The following UBR4 variants were observed in gnomAD, a reference collection of about 807,000 sequenced individuals.
UBR4 encodes the protein E3 ubiquitin-protein ligase UBR4.
Under a neutral mutation model 575.6 loss-of-function variants are expected in UBR4, and 124 were observed. That is an observed-to-expected ratio of 0.22 (90% CI 0.19 to 0.25). The LOEUF is 0.25. UBR4 is among the 10% of genes least tolerant of loss of function. The pLI is 1.00. For synonymous variants in UBR4, 2,455 were observed against 2,473.7 expected (o/e 0.99, Z 0.22); for missense variants, 4,818 against 6,478.8 (o/e 0.74, Z 8.80).
Position 19,122,925 on chromosome 1 carries a change from T to G in UBR4, c.9724A>C (p.Lys3242Gln), listed in dbSNP as rs2081331519. 1 of 1,614,104 alleles carries G rather than the reference T, an allele frequency of 6.2e-7. No homozygotes were observed. Among genetic ancestry groups the G allele is most frequent in the East Asian group, 2.2e-5 (1 of 44,892 alleles). Residue 3242 changes from lysine to glutamine, a missense_variant, in exon 66 of 106, where the codon AAG becomes CAG. Physicochemically the swap from Lys to Gln is moderately conservative, Grantham distance 53. Coordinates refer to ENST00000375254, the MANE Select transcript of UBR4 (RefSeq NM_020765.3). ...TLDSHVRGIK[K>Q]LLEEQGIFLR... ...AATATCCCCTGCTCTTCTAGCAGCT[T>G]CTTGATCCCACGCACGTGAGAGTCC...
At chr1:19,149,926 G>C in intron 49 of UBR4, 78 of 463,480 alleles carry the variant, frequency 1.7e-4, no homozygotes, top group Non-Finnish European at 2.5e-4. Context: ...AAGGGAGGGA[G>C]GAGGCTGGTG....
chr1:19,167,354 A>G (rs1177364619), intron 28 of UBR4, 123 bp from the exon 29 acceptor site: 4 of 914,838 alleles, frequency 4.4e-6, no homozygotes, highest in Non-Finnish European at 6.8e-6. Context: ...AAGGGCCTTT[A>G]TTCCAGTCTT....
At chr1:19,134,389 C>G (rs2082947267) in intron 60 of UBR4, among the ~76,000 whole-genome samples, 1 of 152,162 alleles carries the variant, frequency 6.6e-6, no homozygotes, top group Non-Finnish European at 1.5e-5. Flanking sequence ...ATTGTGCATA[C>G]CAGCCTGGGC....
intron 96 of UBR4, 48 bp from the exon 97 acceptor site, chr1:19,092,966 A>C (rs1484459178): frequency 6.5e-7 from 1 of 1,542,458 alleles, no homozygotes; most frequent in Non-Finnish European, 8.9e-7. Flanking sequence ...AGCAAAGGCT[A>C]CCTAGAAACC....
At chr1:19,149,569 C>T (rs1049185620) in intron 49 of UBR4, among the ~76,000 whole-genome samples, 41 of 152,088 alleles carry the variant, frequency 2.7e-4, no homozygotes, top group African/African-American at 9.4e-4. Flanking sequence ...TGGCCAACAC[C>T]AAGAGTGCAC....
chr1:19,079,019 G>A (rs537788675), intron 103 of UBR4: 1 of 152,172 alleles, frequency 6.6e-6, no homozygotes, highest in Non-Finnish European at 1.5e-5. Flanking sequence ...GCCTAGGTGA[G>A]CCCTTGTCAC....
intron 60 of UBR4, 27 bp from the exon 61 acceptor site, chr1:19,129,101 A>C: frequency 6.3e-7 from 1 of 1,598,296 alleles, no homozygotes; most frequent in Non-Finnish European, 8.6e-7. Context: ...AAGATAGAAA[A>C]TATGAGCTGT....
intron 44 of UBR4, among the ~76,000 whole-genome samples, chr1:19,154,710 C>T (rs552045738): frequency 1.3e-5 from 2 of 152,182 alleles, no homozygotes; most frequent in Non-Finnish European, 2.9e-5. Context: ...CTTGGGGTCT[C>T]CACAGTGGAG....
rs778111957 is a variant in UBR4, at chr1:19,127,580, C to T, written c.9228+43G>A. Reference sequence around the variant, plus strand: ...CTGGCCCTAGCACTACCCAGACAATCCGCTTACCTTTCCCCAAACCCATGA... The same window carrying T: ...CTGGCCCTAGCACTACCCAGACAATTCGCTTACCTTTCCCCAAACCCATGA... On this transcript the variant is annotated intron_variant, in intron 63 of 105. Transcript: ENST00000375254. The T allele has an allele frequency of 3.9e-6, 6 of 1,523,748 alleles. No homozygotes were observed. The African/African-American group carries it at 6.8e-5, about 17-fold the overall frequency. The allele number at this position is 1,523,748 out of a possible 1,614,324, so 94.4% of individuals were successfully genotyped here.
chr1:19,173,473 C>T lies in UBR4; in HGVS notation c.3131G>A (p.Arg1044Gln), dbSNP rs2089866503. Residue 1044 changes from arginine (R) to glutamine (Q), a missense_variant, in exon 23 of 106, where the codon CGG becomes CAG. By Grantham distance (43) the Arg-to-Gln change is conservative (BLOSUM62 1). Around this residue, in one of 29 missense-constraint regions of UBR4, gnomAD observed 1,172 missense variants for 1,259.7 expected, o/e 0.93. Transcript: ENST00000375254. ...DILHTLRWSS[R>Q]LRISSYVNWI... ...GTTGACATAGGAGCTGATCCGGAGC[C>T]GAGAAGACCATCGCAGAGTGTGCAA... 2 of 1,614,038 alleles carry T rather than the reference C, an allele frequency of 1.2e-6. No individual in the cohort carries two copies. Among genetic ancestry groups the T allele is most frequent in the African/African-American group, 1.3e-5 (1 of 75,026 alleles).
In UBR4 at chr1:19,115,039, T is replaced by C. The variant is rs2080331470; in HGVS notation, c.11064-90A>G. ...GGAAATGGATTGTGCCACATTTATA[T>C]ACTCTGGTAACTACTGCAGGGGCTA... On this transcript the variant is annotated intron_variant, in intron 74 of 105. Coordinates refer to ENST00000375254, the MANE Select transcript of UBR4 (RefSeq NM_020765.3). 24 of 1,551,718 alleles carry C rather than the reference T, an allele frequency of 1.5e-5. No individual in the cohort carries two copies. In the East Asian group the frequency reaches 4.5e-4, roughly 29 times the overall value.
intron 60 of UBR4, among the ~76,000 whole-genome samples, chr1:19,131,724 T>C (rs1310893840): frequency 3.9e-5 from 6 of 152,126 alleles, no homozygotes; most frequent in African/African-American, 1.4e-4. Flanking sequence ...AAATACAAAA[T>C]TAGCCGGGCG....
At chr1:19,124,830 GAC>G (rs2081548812) in intron 64 of UBR4, 140 bp from the exon 65 acceptor site, 7 of 1,118,070 alleles carry the variant, frequency 6.3e-6, no homozygotes, top group Non-Finnish European at 7.5e-6. Context: ...AAGACTGACT[GAC>G]AGTTTATTCT....
At position 19,105,093 on chromosome 1, in the gene UBR4, C is replaced by A; in HGVS notation, c.12600G>T (p.Leu4200Phe). Residue 4200 changes from leucine (L) to phenylalanine (F), a missense_variant, in exon 85 of 106, where the codon TTG becomes TTT. This residue lies in a region of UBR4 where 178 missense variants were observed against 175.5 expected (regional missense o/e 1.01). Transcript: ENST00000375254. ...LITSAHWKVY[L>F]AARGVLPYVG... ...CATAGGGTAGGACTCCCCGAGCTGCCAAGTAGACTTTCCAGTGCGCAGAAG... is the reference window on the plus strand; with the variant it reads ...CATAGGGTAGGACTCCCCGAGCTGCAAAGTAGACTTTCCAGTGCGCAGAAG... The A allele has an allele frequency of 6.2e-7, 1 of 1,614,086 alleles. No individual in the cohort carries two copies.
Position 19,088,861 on chromosome 1 carries a change from G to T in UBR4, c.14328C>A (p.Asp4776Glu), listed in dbSNP as rs139905088. ...GGGCTGCGTCAATCTTCTTGTTTAC[G>T]TCAGGGTGTTCCCGCAGGGCTTCCA... ...NLLEALREHP[D>E]VNKKIDAARR... The change falls in exon 98 of 106, where the codon GAC (aspartate) becomes GAA (glutamate). Residue 4776 changes from aspartate to glutamate, a missense_variant. Asp to Glu is a conservative substitution (Grantham distance 45, BLOSUM62 2). Around this residue, in one of 29 missense-constraint regions of UBR4, gnomAD observed 196 missense variants for 386.8 expected, o/e 0.51. Transcript: ENST00000375254. The surrounding 1 kb of genome is among the most constrained non-coding windows in gnomAD (Gnocchi z 4.0). 1.9e-6 allele frequency: 3 copies of T among 1,614,152 alleles called. No homozygotes were observed. The East Asian group carries it at 6.7e-5, about 36-fold the overall frequency.
At chr1:19,091,327 T>C (rs1280731864) in intron 97 of UBR4, among the ~76,000 whole-genome samples, 1 of 152,160 alleles carries the variant, frequency 6.6e-6, no homozygotes, top group Non-Finnish European at 1.5e-5. Context: ...AGAAAAGGGA[T>C]TTCAGTGAGA....
intron 65 of UBR4, among the ~76,000 whole-genome samples, chr1:19,123,886 T>C (rs916441101): frequency 2.6e-5 from 4 of 152,222 alleles, no homozygotes; most frequent in Admixed American, 2.0e-4. Flanking sequence ...CTACTGACAC[T>C]GCCCAGTGAT....
At position 19,157,063 on chromosome 1, in the gene UBR4, G is replaced by A; in HGVS notation, c.5761-138C>T. ...CAGATAAGTCTAGTAGAAAATCCTA[G>A]ATCAGTATTAGTCTCTATTACTCCT... On this transcript the variant is annotated intron_variant, in intron 40 of 105. Coordinates refer to ENST00000375254, the MANE Select transcript of UBR4 (RefSeq NM_020765.3). The surrounding 1 kb of genome is among the most constrained non-coding windows in gnomAD (Gnocchi z 4.4). 1 of 975,176 alleles carries A rather than the reference G, an allele frequency of 1.0e-6. No homozygotes were observed. The highest frequency in any genetic ancestry group is 1.8e-5 in the South Asian group (1 of 54,608). The allele number at this position is 975,176 out of a possible 1,614,324, so 60.4% of individuals were successfully genotyped here. A position where few individuals can be genotyped will look rare whatever the true frequency, so the allele number is the denominator to read the frequency against.
At chr1:19,163,629 T>C in intron 34 of UBR4, 135 bp downstream of exon 34, 1 of 1,012,120 alleles carries the variant, frequency 9.9e-7, no homozygotes, top group Non-Finnish European at 1.6e-6. Flanking sequence ...ATTTCCAGTC[T>C]TTGAGATTAT....
Sources: allele counts gnomAD v4.1 joint callset (sites outside exome capture counted in the v4.1 genomes callset), GRCh38; gene constraint gnomAD v4.1.1; regional missense constraint gnomAD v4.1.1; non-coding constraint Gnocchi (gnomAD v3.1); transcripts MANE v1.5; gene names NCBI Gene and HGNC (gene_info 2026-07-23, HGNC 2026-07-21).